CELF2: variants seen among roughly 807,000 people sequenced by gnomAD.
CELF2 encodes the protein CUG triplet repeat RNA-binding protein 2.
A neutral mutation model predicts 62.6 loss-of-function variants in CELF2; 8 were observed. The observed-to-expected ratio is 0.13, with a 90% CI of 0.07 to 0.23. The LOEUF (loss-of-function observed/expected upper bound fraction) is 0.23. Among genes scored for constraint, CELF2 ranks in the 10% least tolerant of loss-of-function variants. The pLI is 1.00. For synonymous variants in CELF2, 258 were observed against 250.0 expected (o/e 1.03, Z -0.30); for missense variants, 333 against 671.0 (o/e 0.50, Z 5.56).
chr10:10,596,752 T>A, the CELF2 span, among the ~76,000 whole-genome samples: 2 of 152,246 alleles, frequency 1.3e-5, no homozygotes, highest in Admixed American at 6.5e-5. Context: ...AGCTGTCCTT[T>A]CTTCCTCTTC....
At chr10:10,875,156 A>G (rs1241498820) in intron 1 of CELF2, among the ~76,000 whole-genome samples, 1 of 152,222 alleles carries the variant, frequency 6.6e-6, no homozygotes, top group East Asian at 1.9e-4. Context: ...CATCTCTTCA[A>G]TGTGGAATTC....
Position 11,225,830 on chromosome 10 carries a change from A to G in CELF2, c.354+8323A>G, listed in dbSNP as rs146329997. Among the ~76,000 whole-genome samples, 6 of 152,266 alleles carry G rather than the reference A, an allele frequency of 3.9e-5. No individual in the cohort carries two copies. The East Asian group carries it at 1.2e-3, about 29-fold the overall frequency. On this transcript the variant is annotated intron_variant, in intron 3 of 12. Transcript: ENST00000633077. ...GTAAGTGACTCCTCTGTGTTTGTAA[A>G]TGGCTTTATAGAGTTGTTTATTTGT...
At chr10:11,283,522 G>A (rs2089744696) in intron 8 of CELF2, among the ~76,000 whole-genome samples, 1 of 151,938 alleles carries the variant, frequency 6.6e-6, no homozygotes, top group Non-Finnish European at 1.5e-5. Context: ...TGGATGGATG[G>A]GTGATAATGG....
intron 1 of CELF2, among the ~76,000 whole-genome samples, chr10:11,067,714 C>T (rs1011701628): frequency 1.3e-5 from 2 of 152,202 alleles, no homozygotes; most frequent in African/African-American, 4.8e-5. Context: ...ACATGCTTCC[C>T]TTGTGTGTTT....
chr10:10,664,492 G>A, the CELF2 span, among the ~76,000 whole-genome samples: 55 of 152,158 alleles, frequency 3.6e-4, 1 homozygote, highest in Admixed American at 3.6e-3. Context: ...AAGACACCAC[G>A]TGAATTTCCT....
chr10:10,510,057 G>A, the CELF2 span, among the ~76,000 whole-genome samples: 3 of 152,194 alleles, frequency 2.0e-5, no homozygotes, highest in Non-Finnish European at 4.4e-5. Context: ...TTGCCTGTGC[G>A]TTGCATTGCT....
chr10:10,847,286 T>G (rs2059077331), intron 1 of CELF2, among the ~76,000 whole-genome samples: 1 of 152,136 alleles, frequency 6.6e-6, no homozygotes, highest in Non-Finnish European at 1.5e-5. Context: ...AAACCTGTAT[T>G]CTAGTCCTGT....
the CELF2 span, among the ~76,000 whole-genome samples, chr10:10,694,271 C>T: frequency 6.6e-6 from 1 of 151,846 alleles, no homozygotes; most frequent in East Asian, 1.9e-4. Flanking sequence ...CGTTGTGTAC[C>T]CAGTAGTCAT....
the CELF2 span, among the ~76,000 whole-genome samples, chr10:10,552,957 T>A: frequency 6.6e-6 from 1 of 152,156 alleles, no homozygotes; most frequent in African/African-American, 2.4e-5. Flanking sequence ...CTTCTTGCTG[T>A]GTCCTCTCAG....
chr10:10,698,693 C>T, the CELF2 span, among the ~76,000 whole-genome samples: 2 of 152,132 alleles, frequency 1.3e-5, no homozygotes, highest in Non-Finnish European at 2.9e-5. Context: ...ACAGAAAAGT[C>T]AGCAATGAAA....
chr10:10,826,132 A>C (rs1276502782), intron 1 of CELF2, among the ~76,000 whole-genome samples: 1 of 152,224 alleles, frequency 6.6e-6, no homozygotes, highest in Admixed American at 6.5e-5. Flanking sequence ...TCACTAAATA[A>C]ATATATGCCA....
At chr10:10,829,057 A>C (rs1178070797) in intron 1 of CELF2, among the ~76,000 whole-genome samples, 1 of 152,232 alleles carries the variant, frequency 6.6e-6, no homozygotes, top group Non-Finnish European at 1.5e-5. Flanking sequence ...ATAGATTTAT[A>C]AGTTATATTA....
the CELF2 span, among the ~76,000 whole-genome samples, chr10:10,491,975 C>G: frequency 6.6e-6 from 1 of 152,152 alleles, no homozygotes; most frequent in African/African-American, 2.4e-5. Flanking sequence ...CTCTTTCCCA[C>G]TTTCCCATTT....
At chr10:11,259,441 A>G (rs926751844) in intron 5 of CELF2, among the ~76,000 whole-genome samples, 2 of 152,058 alleles carry the variant, frequency 1.3e-5, no homozygotes, top group African/African-American at 4.8e-5. Context: ...AAAAAAAAAA[A>G]AAAAAGGCGG....
the CELF2 span, among the ~76,000 whole-genome samples, chr10:10,647,546 T>C: frequency 6.6e-6 from 1 of 152,342 alleles, no homozygotes; most frequent in East Asian, 1.9e-4. Context: ...CAATAAATGA[T>C]GACGACAGAT....
At chr10:10,976,189 A>G (rs1225020296) in intron 2 of CELF2, among the ~76,000 whole-genome samples, 1 of 152,168 alleles carries the variant, frequency 6.6e-6, no homozygotes, top group Non-Finnish European at 1.5e-5. Flanking sequence ...TTATCCAGAC[A>G]CTGTTTTGGT....
chr10:10,562,809 A>C, the CELF2 span, among the ~76,000 whole-genome samples: 1 of 144,566 alleles, frequency 6.9e-6, no homozygotes, highest in African/African-American at 2.7e-5. Flanking sequence ...TCCACAGCCT[A>C]CCTCCCTGCC....
chr10:10,577,530 C>T, the CELF2 span, among the ~76,000 whole-genome samples: 1 of 150,222 alleles, frequency 6.7e-6, no homozygotes, highest in Non-Finnish European at 1.5e-5. Context: ...CCACAACAGT[C>T]CCCAGTGTGT....
chr10:10,638,725 G>A, the CELF2 span, among the ~76,000 whole-genome samples: 1 of 152,154 alleles, frequency 6.6e-6, no homozygotes. Context: ...ATCTGACTCA[G>A]GGCAAGGCAA....
Sources: gnomAD v4.1 joint callset for allele counts (sites outside exome capture counted in the v4.1 genomes callset) on GRCh38, gnomAD v4.1.1 for gene constraint, MANE v1.5 for transcripts, NCBI Gene and HGNC (gene_info 2026-07-23, HGNC 2026-07-21) for gene names.